Variants in MAGI2 observed in about 807,000 individuals in gnomAD.
MAGI2 encodes membrane-associated guanylate kinase, WW and PDZ domain-containing protein 2.
A neutral mutation model predicts 133.3 loss-of-function variants in MAGI2; 35 were observed. The observed-to-expected ratio is 0.26, with a 90% CI of 0.20 to 0.35. The LOEUF (loss-of-function observed/expected upper bound fraction) is 0.35. Ranked by LOEUF, MAGI2 falls within the 10% of genes least tolerant of loss-of-function variation. The pLI is 1.00. For synonymous variants in MAGI2, 729 were observed against 710.6 expected (o/e 1.03, Z -0.41); for missense variants, 1,636 against 1,863.4 (o/e 0.88, Z 2.25).
intron 11 of MAGI2, among the ~76,000 whole-genome samples, chr7:78,196,544 G>A (rs778549700): frequency 6.6e-6 from 1 of 152,116 alleles, no homozygotes; most frequent in African/African-American, 2.4e-5. Flanking sequence ...TTTTTGTCGG[G>A]GCTCTGATTC....
intron 6 of MAGI2, among the ~76,000 whole-genome samples, chr7:78,469,719 A>AT (rs1240377608): frequency 6.6e-6 from 1 of 152,140 alleles, no homozygotes; most frequent in African/African-American, 2.4e-5. Flanking sequence ...ACTGCATTAT[A>AT]TTAACTTTAC....
At chr7:79,427,693 G>A (rs967158820) in intron 1 of MAGI2, among the ~76,000 whole-genome samples, 6 of 152,108 alleles carry the variant, frequency 3.9e-5, no homozygotes, top group South Asian at 2.1e-4. Flanking sequence ...GTTGTGCTGC[G>A]GTTTTATTAT....
At chr7:78,286,680 A>C (rs980622269) in intron 9 of MAGI2, among the ~76,000 whole-genome samples, 11 of 152,096 alleles carry the variant, frequency 7.2e-5, no homozygotes, top group African/African-American at 2.7e-4. Context: ...GGTACTGGAA[A>C]GCTATATACT....
intron 1 of MAGI2, among the ~76,000 whole-genome samples, chr7:79,181,293 A>G (rs1186441473): frequency 6.6e-6 from 1 of 151,984 alleles, no homozygotes; most frequent in African/African-American, 2.4e-5. Context: ...TGGGCATCCA[A>G]GCATTTCCAT....
Position 79,157,850 on chromosome 7 carries a change from G to GTT in MAGI2, c.302-150646_302-150645dup, listed in dbSNP as rs35889003. Among the ~76,000 whole-genome samples the GTT allele has an allele frequency of 4.4e-4, 37 of 84,132 alleles. 1 individual carries two copies. Among genetic ancestry groups the GTT allele is most frequent in the Middle Eastern group, 8.1e-3 (1 of 124 alleles). The allele number at this position is 84,132 out of a possible 152,430, so 55.2% of individuals were successfully genotyped here. ...AAAAACCACTGTGTGTATCTAACAA[G>GTT]TTTTTTTTTTTTTTTTTTTTTGCAA... On this transcript the variant is annotated intron_variant, in intron 1 of 21. Transcript: ENST00000354212.
chr7:79,007,414 G>A (rs1807568452), intron 1 of MAGI2, among the ~76,000 whole-genome samples: 1 of 152,136 alleles, frequency 6.6e-6, no homozygotes, highest in African/African-American at 2.4e-5. Context: ...TGTGTTCAAT[G>A]CTTTGCATGT....
At chr7:78,872,102 A>AAAAC (rs199945962) in intron 2 of MAGI2, among the ~76,000 whole-genome samples, 135 of 151,708 alleles carry the variant, frequency 8.9e-4, no homozygotes, top group African/African-American at 3.1e-3. Context: ...TCTTTCCTCC[A>AAAAC]AAACAAACAA....
At chr7:78,968,183 T>C (rs1803492892) in intron 2 of MAGI2, among the ~76,000 whole-genome samples, 1 of 152,102 alleles carries the variant, frequency 6.6e-6, no homozygotes, top group Non-Finnish European at 1.5e-5. Flanking sequence ...AATCAGGATA[T>C]GTGATGCCTA....
chr7:79,222,872 TG>T (rs1296886384), intron 1 of MAGI2, among the ~76,000 whole-genome samples: 2 of 152,022 alleles, frequency 1.3e-5, no homozygotes, highest in African/African-American at 2.4e-5. Flanking sequence ...CTTTTCTTTT[TG>T]TTTTTTTGTT....
At chr7:78,059,777 A>ATTTTTTTTTT (rs10692094) in intron 21 of MAGI2, among the ~76,000 whole-genome samples, 24 of 146,138 alleles carry the variant, frequency 1.6e-4, no homozygotes, top group African/African-American at 6.1e-4. Flanking sequence ...ATATATATAT[A>ATTTTTTTTTT]TTTTTTTTCT....
intron 10 of MAGI2, among the ~76,000 whole-genome samples, chr7:78,212,238 C>A (rs532450285): frequency 1.1e-4 from 16 of 152,184 alleles, no homozygotes; most frequent in African/African-American, 3.9e-4. Context: ...ACAAAGATAT[C>A]CACATGCTTA....
chr7:78,861,831 T>C (rs1794177647), intron 2 of MAGI2, among the ~76,000 whole-genome samples: 1 of 152,252 alleles, frequency 6.6e-6, no homozygotes, highest in African/African-American at 2.4e-5. Flanking sequence ...TGCTTTTCAA[T>C]TCCCTGTTCA....
intron 3 of MAGI2, among the ~76,000 whole-genome samples, chr7:78,531,328 C>T (rs1458356385): frequency 3.3e-5 from 5 of 151,912 alleles, no homozygotes; most frequent in East Asian, 3.9e-4. Context: ...ATTCTCCTGC[C>T]TCAGTCTCCC....
chr7:78,109,890 A>G (rs896064907), intron 20 of MAGI2, among the ~76,000 whole-genome samples: 1 of 152,196 alleles, frequency 6.6e-6, no homozygotes, highest in African/African-American at 2.4e-5. Flanking sequence ...GAAAGAATGC[A>G]TAATTTGAGA....
At chr7:78,655,997 A>C (rs1563306417) in intron 2 of MAGI2, among the ~76,000 whole-genome samples, 1 of 143,996 alleles carries the variant, frequency 6.9e-6, no homozygotes, top group African/African-American at 2.6e-5. Flanking sequence ...AAAAAAAAAA[A>C]GAAAAAGAAA....
intron 18 of MAGI2, 100 bp from the exon 19 acceptor site, chr7:78,127,516 C>T: frequency 3.9e-6 from 3 of 772,288 alleles, no homozygotes; most frequent in East Asian, 2.7e-5. Flanking sequence ...TGACAGCTCA[C>T]ACAAACCACT....
intron 1 of MAGI2, among the ~76,000 whole-genome samples, chr7:79,231,802 T>A (rs1831395708): frequency 6.6e-6 from 1 of 150,476 alleles, no homozygotes; most frequent in African/African-American, 2.4e-5. Context: ...TCCTGCCTAA[T>A]TGCCCTGGCC....
intron 1 of MAGI2, among the ~76,000 whole-genome samples, chr7:79,206,133 A>G (rs1829036101): frequency 6.6e-6 from 1 of 151,698 alleles, no homozygotes; most frequent in Admixed American, 6.6e-5. Context: ...AATAAGAAAG[A>G]TCTCAAATAA....
At chr7:78,846,570 AG>A (rs1394138396) in intron 2 of MAGI2, among the ~76,000 whole-genome samples, 1 of 152,022 alleles carries the variant, frequency 6.6e-6, no homozygotes, top group Non-Finnish European at 1.5e-5. Context: ...CAAGGTAAAA[AG>A]CACTTCACCA....
Sources: gnomAD v4.1 joint callset for allele counts (sites outside exome capture counted in the v4.1 genomes callset) on GRCh38, gnomAD v4.1.1 for gene constraint, MANE v1.5 for transcripts, NCBI Gene and HGNC (gene_info 2026-07-23, HGNC 2026-07-21) for gene names.